TMEM232: variants seen among roughly 807,000 people sequenced by gnomAD.
TMEM232 encodes the protein transmembrane protein 232.
Under a neutral mutation model 78.8 loss-of-function variants are expected in TMEM232, and 80 were observed. That is an observed-to-expected ratio of 1.01 (90% CI 0.85 to 1.22). The LOEUF (loss-of-function observed/expected upper bound fraction) is 1.22. Ranked by LOEUF, TMEM232 falls within the 50% of genes most tolerant of loss-of-function variation. The pLI is 0.00. For missense variants in TMEM232, 881 were observed against 742.2 expected, an observed-to-expected ratio of 1.19 and a Z score of -2.17; for synonymous variants, 297 against 254.3, an observed-to-expected ratio of 1.17 and a Z score of -1.60.
intron 11 of TMEM232, among the ~76,000 whole-genome samples, chr5:110,551,588 T>C (rs2149615556): frequency 6.6e-6 from 1 of 152,302 alleles, no homozygotes; most frequent in Admixed American, 6.5e-5. Context: ...AAGTAGTATT[T>C]GAAAACTTCA....
intron 5 of TMEM232, among the ~76,000 whole-genome samples, chr5:110,634,681 T>G (rs929740886): frequency 1.3e-5 from 2 of 151,670 alleles, no homozygotes; most frequent in Non-Finnish European, 2.9e-5. Context: ...TACTGAAACC[T>G]GAGAGACAGA....
intron 5 of TMEM232, among the ~76,000 whole-genome samples, chr5:110,636,328 T>C (rs1239020596): frequency 6.6e-6 from 1 of 151,890 alleles, no homozygotes; most frequent in East Asian, 1.9e-4. Context: ...TAGCATTAGA[T>C]AGAATGTTTG....
At chr5:110,583,349 G>A (rs940800047) in intron 10 of TMEM232, among the ~76,000 whole-genome samples, 7 of 151,780 alleles carry the variant, frequency 4.6e-5, no homozygotes, top group Middle Eastern at 3.4e-3. Context: ...ACACATATAC[G>A]GCCAACTGAT....
At chr5:110,482,372 G>T (rs1249232496) in intron 12 of TMEM232, among the ~76,000 whole-genome samples, 1 of 152,094 alleles carries the variant, frequency 6.6e-6, no homozygotes, top group African/African-American at 2.4e-5. Flanking sequence ...CCTGAGGTCA[G>T]GAGTTTGAGA....
At chr5:110,627,141 CATT>C (rs981987067) in intron 6 of TMEM232, among the ~76,000 whole-genome samples, 1 of 151,978 alleles carries the variant, frequency 6.6e-6, no homozygotes, top group African/African-American at 2.4e-5. Context: ...TTCAGAACAT[CATT>C]ATCTTAATTC....
chr5:110,485,808 CTTA>C (rs1447933008), intron 12 of TMEM232, among the ~76,000 whole-genome samples: 1 of 151,992 alleles, frequency 6.6e-6, no homozygotes, highest in East Asian at 1.9e-4. Flanking sequence ...TAGAAAATGA[CTTA>C]TTTTCCTCTG....
intron 1 of TMEM232, among the ~76,000 whole-genome samples, chr5:110,671,337 T>C (rs1791325845): frequency 6.6e-6 from 1 of 152,182 alleles, no homozygotes; most frequent in African/African-American, 2.4e-5. Context: ...GAAGACAGTG[T>C]GGCGATTCCT....
chr5:110,553,848 G>A (rs931773375), intron 11 of TMEM232, among the ~76,000 whole-genome samples: 1 of 152,084 alleles, frequency 6.6e-6, no homozygotes, highest in Non-Finnish European at 1.5e-5. Flanking sequence ...TGTTAGCTGT[G>A]GGTTTGTCAT....
At chr5:110,511,111 G>T (rs914999730) in intron 12 of TMEM232, among the ~76,000 whole-genome samples, 1 of 152,116 alleles carries the variant, frequency 6.6e-6, no homozygotes, top group African/African-American at 2.4e-5. Flanking sequence ...CTACTATGCC[G>T]CCACAAAAGG....
chr5:110,587,308 A>G (rs979951914), intron 10 of TMEM232, among the ~76,000 whole-genome samples: 3 of 152,176 alleles, frequency 2.0e-5, no homozygotes, highest in Admixed American at 6.5e-5. Flanking sequence ...GTGTCTCACT[A>G]AGCTTATAAA....
intron 2 of TMEM232, among the ~76,000 whole-genome samples, chr5:110,645,221 T>A (rs540216251): frequency 6.6e-6 from 1 of 151,776 alleles, no homozygotes; most frequent in East Asian, 1.9e-4. Flanking sequence ...CCAAACTCAT[T>A]TTATGAGGCC....
At chr5:110,423,409 C>T (rs1756883009) in intron 13 of TMEM232, among the ~76,000 whole-genome samples, 1 of 152,102 alleles carries the variant, frequency 6.6e-6, no homozygotes, top group Admixed American at 6.5e-5. Context: ...ATACAAAACA[C>T]TATTGCTACA....
intron 1 of TMEM232, among the ~76,000 whole-genome samples, chr5:110,737,832 T>C (rs1409220346): frequency 1.3e-5 from 2 of 152,230 alleles, no homozygotes; most frequent in African/African-American, 4.8e-5. Flanking sequence ...ATTTACTATA[T>C]GGACATTTAA....
chr5:110,605,838 T>C (rs1461436924), intron 9 of TMEM232, among the ~76,000 whole-genome samples: 5 of 152,076 alleles, frequency 3.3e-5, no homozygotes, highest in Non-Finnish European at 7.4e-5. Context: ...GAAGTGTTGA[T>C]AGAGATTTTA....
intron 2 of TMEM232, among the ~76,000 whole-genome samples, chr5:110,657,654 G>C (rs1789265124): frequency 6.6e-6 from 1 of 152,072 alleles, no homozygotes; most frequent in Non-Finnish European, 1.5e-5. Context: ...TTACAGTTAA[G>C]AAGAATTTGT....
At chr5:110,531,524 A>G (rs558240126) in intron 11 of TMEM232, among the ~76,000 whole-genome samples, 1 of 151,876 alleles carries the variant, frequency 6.6e-6, no homozygotes, top group Non-Finnish European at 1.5e-5. Flanking sequence ...ACTATCCCTC[A>G]ATCTCTTTCG....
intron 10 of TMEM232, among the ~76,000 whole-genome samples, chr5:110,571,317 G>C (rs1306048803): frequency 6.6e-6 from 1 of 152,056 alleles, no homozygotes; most frequent in African/African-American, 2.4e-5. Context: ...TAGGGAAGTA[G>C]GTAGAGAGAA....
chr5:110,645,492 A>G (rs764291774), intron 2 of TMEM232, among the ~76,000 whole-genome samples: 43 of 151,476 alleles, frequency 2.8e-4, no homozygotes, highest in Admixed American at 4.6e-4. Context: ...CAGAGAAAAA[A>G]ACATTTGCCA....
At chr5:110,644,515 A>T (rs1384309763) in intron 2 of TMEM232, among the ~76,000 whole-genome samples, 2 of 151,888 alleles carry the variant, frequency 1.3e-5, no homozygotes, top group Non-Finnish European at 2.9e-5. Context: ...AACAGCCAAG[A>T]TTAATGACTT....
Sources: allele counts gnomAD v4.1 joint callset (sites outside exome capture counted in the v4.1 genomes callset), GRCh38; gene constraint gnomAD v4.1.1; transcripts MANE v1.5; gene names NCBI Gene and HGNC (gene_info 2026-07-23, HGNC 2026-07-21).